Variants in EPHA6 observed in about 807,000 individuals in gnomAD.
The protein encoded by EPHA6 is EPH receptor A6, also known as ephrin type-A receptor 6.
EPHA6 carries 50 observed loss-of-function variants against 112.0 expected under a neutral mutation model. The observed-to-expected ratio is 0.45, with a 90% CI of 0.36 to 0.56. The LOEUF (loss-of-function observed/expected upper bound fraction) is 0.56, where lower values mean the gene tolerates loss of function less well. Among genes scored for constraint, EPHA6 ranks in the 20% least tolerant of loss-of-function variants. The probability of loss-of-function intolerance (pLI) is 0.00; values close to 1 mark genes in which losing one functional copy is unlikely to be tolerated. For synonymous variants in EPHA6, 529 were observed against 490.7 expected (o/e 1.08, Z -1.03); for missense variants, 1,280 against 1,417.4 (o/e 0.90, Z 1.56).
chr3:97,494,566 G>A (rs2091928927), intron 10 of EPHA6, among the ~76,000 whole-genome samples: 1 of 152,058 alleles, frequency 6.6e-6, no homozygotes, highest in Non-Finnish European at 1.5e-5. Context: ...AAGAAAATGA[G>A]ATAAAGTAGA....
At chr3:96,938,630 A>T (rs2040744241) in intron 2 of EPHA6, among the ~76,000 whole-genome samples, 2 of 151,610 alleles carry the variant, frequency 1.3e-5, no homozygotes, top group Admixed American at 1.3e-4. Flanking sequence ...CCCTGGCCAG[A>T]ACTTCCAACA....
At chr3:97,662,781 G>C (rs1054658513) in intron 14 of EPHA6, among the ~76,000 whole-genome samples, 1 of 152,156 alleles carries the variant, frequency 6.6e-6, no homozygotes, top group African/African-American at 2.4e-5. Flanking sequence ...AATAAAGTAC[G>C]CTGTATCCAA....
chr3:97,150,959 T>G (rs984092527), intron 3 of EPHA6, among the ~76,000 whole-genome samples: 5 of 152,172 alleles, frequency 3.3e-5, no homozygotes, highest in African/African-American at 9.7e-5. Flanking sequence ...TCAGATTTTT[T>G]AAAGTATTTA....
intron 11 of EPHA6, among the ~76,000 whole-genome samples, chr3:97,554,602 C>T (rs1005283302): frequency 2.0e-5 from 3 of 151,954 alleles, no homozygotes; most frequent in Non-Finnish European, 4.4e-5. Flanking sequence ...GTCATTTTTC[C>T]ACTCTTTTCA....
chr3:97,461,411 T>C (rs1376017988), intron 7 of EPHA6, among the ~76,000 whole-genome samples: 1 of 152,122 alleles, frequency 6.6e-6, no homozygotes, highest in East Asian at 1.9e-4. Flanking sequence ...GGAAAATGGA[T>C]ATAAGGATAC....
At chr3:97,393,630 A>G (rs1402143863) in intron 5 of EPHA6, among the ~76,000 whole-genome samples, 1 of 151,730 alleles carries the variant, frequency 6.6e-6, no homozygotes. Flanking sequence ...TTCTTTCACT[A>G]ATGTCTTATC....
chr3:97,524,705 CT>C (rs2092594060), intron 10 of EPHA6, among the ~76,000 whole-genome samples: 1 of 152,016 alleles, frequency 6.6e-6, no homozygotes, highest in East Asian at 1.9e-4. Flanking sequence ...CTTAGAATGT[CT>C]TGATCTCATT....
In EPHA6 at chr3:97,448,723, A is replaced by G. The variant is rs1225997275; in HGVS notation, c.1887A>G (p.Gly629=). The stretch of plus-strand genomic sequence containing the variant: ...GTCAGAAATTTGAATTTGAAACAGG[A>G]GATGAAAGTAAGTTTCACACAAGGA... ...GYSQKFEFET[G]DETSDMAAEQ... Residue 629 remains glycine (G), a synonymous_variant, in exon 7 of 18, where the codon GGA becomes GGG. Transcript: ENST00000389672. The G allele has an allele frequency of 1.2e-6, 2 of 1,613,284 alleles. No homozygotes were observed. The highest frequency in any genetic ancestry group is 1.7e-6 in the Non-Finnish European group (2 of 1,179,386).
chr3:96,834,562 T>C (rs1482999624), intron 1 of EPHA6, among the ~76,000 whole-genome samples: 4 of 151,496 alleles, frequency 2.6e-5, no homozygotes, highest in South Asian at 2.1e-4. Context: ...CCTGTTGTTG[T>C]TTTTTTTCCT....
At chr3:96,961,517 T>C (rs1466255151) in intron 2 of EPHA6, among the ~76,000 whole-genome samples, 1 of 152,174 alleles carries the variant, frequency 6.6e-6, no homozygotes, top group African/African-American at 2.4e-5. Flanking sequence ...AGTGTGTCAT[T>C]TTTTACTTCG....
chr3:97,659,570 A>C (rs1213744772), intron 14 of EPHA6, among the ~76,000 whole-genome samples: 1 of 151,984 alleles, frequency 6.6e-6, no homozygotes, highest in East Asian at 1.9e-4. Context: ...CATGGGGGAA[A>C]AAACAGAGAG....
intron 3 of EPHA6, among the ~76,000 whole-genome samples, chr3:97,016,591 T>A (rs922802553): frequency 6.6e-6 from 1 of 152,230 alleles, no homozygotes; most frequent in Non-Finnish European, 1.5e-5. Context: ...ATAAACTGTA[T>A]TTTAAAGTGT....
At chr3:96,914,468 A>G (rs1387944139) in intron 2 of EPHA6, among the ~76,000 whole-genome samples, 1 of 152,162 alleles carries the variant, frequency 6.6e-6, no homozygotes, top group Non-Finnish European at 1.5e-5. Flanking sequence ...TTCAAATGGA[A>G]TCTACTTAGT....
intron 1 of EPHA6, 148 bp from the exon 2 acceptor site, chr3:96,866,677 A>G (rs2036332692): frequency 2.6e-6 from 1 of 389,512 alleles, no homozygotes; most frequent in South Asian, 7.3e-5. Flanking sequence ...TAATATGTAA[A>G]TTTCTGAAGA....
chr3:96,882,522 T>C (rs1387071903), intron 2 of EPHA6, among the ~76,000 whole-genome samples: 1 of 151,892 alleles, frequency 6.6e-6, no homozygotes, highest in South Asian at 2.1e-4. Flanking sequence ...CTCCCACCAT[T>C]CCCCCCAAGT....
At chr3:97,438,434 A>G (rs2089970379) in intron 6 of EPHA6, among the ~76,000 whole-genome samples, 1 of 152,210 alleles carries the variant, frequency 6.6e-6, no homozygotes, top group Non-Finnish European at 1.5e-5. Flanking sequence ...TATGCTAGCA[A>G]AAGTAATTTT....
chr3:97,090,947 T>C (rs1278683668), intron 3 of EPHA6, among the ~76,000 whole-genome samples: 1 of 152,106 alleles, frequency 6.6e-6, no homozygotes, highest in Non-Finnish European at 1.5e-5. Context: ...AAGAGTTAGA[T>C]GTTTTAACAC....
chr3:97,562,081 A>C (rs934196547), intron 11 of EPHA6, among the ~76,000 whole-genome samples: 2 of 152,160 alleles, frequency 1.3e-5, no homozygotes, highest in African/African-American at 4.8e-5. Context: ...TAGTCACCCA[A>C]GAGCTCTGAT....
intron 10 of EPHA6, among the ~76,000 whole-genome samples, chr3:97,512,432 A>G (rs751206552): frequency 1.3e-5 from 2 of 152,182 alleles, no homozygotes; most frequent in Non-Finnish European, 2.9e-5. Flanking sequence ...TAAAATCAAA[A>G]TAATTATTTG....
Sources: gnomAD v4.1 joint callset for allele counts (sites outside exome capture counted in the v4.1 genomes callset) on GRCh38, gnomAD v4.1.1 for gene constraint, MANE v1.5 for transcripts, NCBI Gene and HGNC (gene_info 2026-07-23, HGNC 2026-07-21) for gene names.